NIPA1: variants seen among roughly 807,000 people sequenced by gnomAD.
The protein encoded by NIPA1 is magnesium transporter NIPA1.
Under a neutral mutation model 23.9 loss-of-function variants are expected in NIPA1, and 13 were observed. The ratio of observed to expected loss-of-function variants is 0.54; its 90% CI spans 0.35 to 0.87. NIPA1 has a LOEUF of 0.87. Among genes scored for constraint, NIPA1 ranks in the 40% least tolerant of loss-of-function variants. The pLI, the probability that NIPA1 is intolerant of heterozygous loss-of-function variation, is 0.01. For missense variants in NIPA1, 362 were observed against 429.7 expected (o/e 0.84, Z 1.39); for synonymous variants, 234 against 202.9 (o/e 1.15, Z -1.30).
chr15:22,790,214 C>A (rs184131046), intron 1 of NIPA1, among the ~76,000 whole-genome samples: 1 of 152,296 alleles, frequency 6.6e-6, no homozygotes, highest in East Asian at 1.9e-4. Flanking sequence ...CCCCAGTGAC[C>A]ACCCAGTGCC....
intron 1 of NIPA1, among the ~76,000 whole-genome samples, chr15:22,790,583 T>C (rs547441160): frequency 2.6e-5 from 4 of 151,962 alleles, no homozygotes; most frequent in Middle Eastern, 3.2e-3. Context: ...GCCTGGCTAA[T>C]TTTGTGTTTT....
At chr15:22,792,261 C>T (rs776099448) in intron 1 of NIPA1, among the ~76,000 whole-genome samples, 6 of 152,122 alleles carry the variant, frequency 3.9e-5, no homozygotes, top group East Asian at 1.9e-4. Flanking sequence ...AGTCAGGCTG[C>T]GCAGGAGAGC....
chr15:22,820,221 G>A (rs1895508772), intron 3 of NIPA1, 92 bp from the exon 4 acceptor site: 3 of 967,298 alleles, frequency 3.1e-6, no homozygotes, highest in Admixed American at 3.7e-5. Flanking sequence ...AGAAGAAAAA[G>A]AAAATGGTTT....
At chr15:22,801,618 G>A (rs1895083460) in intron 1 of NIPA1, among the ~76,000 whole-genome samples, 1 of 150,334 alleles carries the variant, frequency 6.7e-6, no homozygotes, top group South Asian at 2.1e-4. Context: ...CGGGGTTCAA[G>A]CAGTTCTCCT....
rs187149053 is a variant in NIPA1 at position 22,798,204 on chromosome 15, A to G, written c.178+11370A>G. Reference sequence around the variant, plus strand: ...CACAAAACATATGTTAACACCACCTATCAGATGTTCTAAGAAACATATATG... The same window carrying G: ...CACAAAACATATGTTAACACCACCTGTCAGATGTTCTAAGAAACATATATG... On this transcript the variant is annotated intron_variant, in intron 1 of 4. Coordinates refer to ENST00000337435, the MANE Select transcript of NIPA1 (RefSeq NM_144599.5). Among the ~76,000 whole-genome samples the G allele has an allele frequency of 3.6e-3, 530 of 147,536 alleles. 6 individuals carry two copies. Among genetic ancestry groups the G allele is most frequent in the African/African-American group, 0.013 (505 of 40,142 alleles).
intron 3 of NIPA1, among the ~76,000 whole-genome samples, chr15:22,815,224 C>G (rs1452761730): frequency 1.3e-5 from 2 of 152,148 alleles, no homozygotes; most frequent in East Asian, 1.9e-4. Context: ...GTACAGTGAT[C>G]AATTTCGATA....
chr15:22,806,435 A>C (rs1320784461), intron 1 of NIPA1, among the ~76,000 whole-genome samples: 4 of 152,162 alleles, frequency 2.6e-5, no homozygotes. Context: ...TGAGAGGAAA[A>C]CCAATGGAAC....
At chr15:22,788,720 T>C (rs1326283228) in intron 1 of NIPA1, among the ~76,000 whole-genome samples, 1 of 151,424 alleles carries the variant, frequency 6.6e-6, no homozygotes, top group Non-Finnish European at 1.5e-5. Flanking sequence ...CTCAAAGGAA[T>C]TGGTGAATAG....
At chr15:22,801,348 C>T (rs1159408532) in intron 1 of NIPA1, among the ~76,000 whole-genome samples, 6 of 151,868 alleles carry the variant, frequency 4.0e-5, no homozygotes, top group African/African-American at 1.2e-4. Flanking sequence ...GACATCTACC[C>T]GTCATGTATC....
At chr15:22,823,310 G>T (rs1895580712) in intron 4 of NIPA1, among the ~76,000 whole-genome samples, 1 of 151,470 alleles carries the variant, frequency 6.6e-6, no homozygotes, top group Non-Finnish European at 1.5e-5. Context: ...CACCCCCTAG[G>T]TTCAAGTGAT....
chr15:22,811,021 G>C, intron 2 of NIPA1: 1 of 571,896 alleles, frequency 1.7e-6, no homozygotes. Flanking sequence ...AGAAGGACAA[G>C]TTAGGAGCTG....
Position 22,826,858 on chromosome 15 carries a change from C to T in NIPA1, c.*2619C>T, listed in dbSNP as rs569676632. ...CATATCATCCATTGTTTTTCAAGCA[C>T]GTGACACCAGCCTCAAAGTAAATGA... On this transcript the variant is annotated 3_prime_UTR_variant, in exon 5 of 5. Coordinates refer to ENST00000337435, the MANE Select transcript of NIPA1 (RefSeq NM_144599.5). 7 of 152,194 alleles carry T rather than the reference C, an allele frequency of 4.6e-5. No individual in the cohort carries two copies. Among genetic ancestry groups the T allele is most frequent in the East Asian group, 1.9e-4 (1 of 5,174 alleles). The allele number at this position is 152,194 out of a possible 1,614,324, so 9.4% of individuals were successfully genotyped here.
At chr15:22,822,006 C>T (rs931776277) in intron 4 of NIPA1, among the ~76,000 whole-genome samples, 4 of 152,130 alleles carry the variant, frequency 2.6e-5, no homozygotes, top group African/African-American at 4.8e-5. Context: ...TGAAGCTGGC[C>T]GACCCCACAC....
At chr15:22,821,301 C>A (rs954934563) in intron 4 of NIPA1, among the ~76,000 whole-genome samples, 3 of 152,190 alleles carry the variant, frequency 2.0e-5, no homozygotes, top group African/African-American at 7.2e-5. Flanking sequence ...AAACTACTAT[C>A]TACGTGATTA....
chr15:22,799,179 A>C (rs1352740869), intron 1 of NIPA1, among the ~76,000 whole-genome samples: 1 of 152,204 alleles, frequency 6.6e-6, no homozygotes, highest in Admixed American at 6.5e-5. Flanking sequence ...AATTAACCTA[A>C]GTGTTCACCG....
At chr15:22,787,455 A>C (rs1305712740) in intron 1 of NIPA1, among the ~76,000 whole-genome samples, 1 of 152,210 alleles carries the variant, frequency 6.6e-6, no homozygotes, top group Admixed American at 6.5e-5. Flanking sequence ...GCACCAAATG[A>C]ATACAAGTGA....
intron 1 of NIPA1, among the ~76,000 whole-genome samples, chr15:22,805,607 A>ACCCAGG (rs1400153080): frequency 6.6e-6 from 1 of 152,050 alleles, no homozygotes; most frequent in East Asian, 1.9e-4. Flanking sequence ...AACTGTTTGA[A>ACCCAGG]CCCAGGAGTC....
rs1277721817 is a variant in NIPA1, at chr15:22,786,680, G to T, written c.24G>T (p.Ala8=). ...GAATGGGGACTGCAGCTGCGGCAGC[G>T]GCGGCGGCGGCGGCGGCGGCGGCCG... is the stretch of plus-strand genomic sequence containing the variant. The part of the protein sequence containing the change: MGTAAAA[A]AAAAAAAAGE... Residue 8 remains alanine (A), a synonymous_variant, in exon 1 of 5, where the codon GCG becomes GCT. Coordinates refer to ENST00000337435, the MANE Select transcript of NIPA1 (RefSeq NM_144599.5). The T allele has an allele frequency of 1.8e-6, 1 of 541,930 alleles. No homozygotes were observed. Among genetic ancestry groups the T allele is most frequent in the Non-Finnish European group, 2.2e-6 (1 of 458,140 alleles). 33.6% of individuals were successfully genotyped at this position (541,930 alleles called of 1,614,324 possible).
At chr15:22,816,201 T>G (rs1357481145) in intron 3 of NIPA1, among the ~76,000 whole-genome samples, 1 of 139,018 alleles carries the variant, frequency 7.2e-6, no homozygotes, top group Non-Finnish European at 1.5e-5. Context: ...TTTTTTTTTT[T>G]TTTTTTGAGA....
Sources: allele counts gnomAD v4.1 joint callset (sites outside exome capture counted in the v4.1 genomes callset), GRCh38; gene constraint gnomAD v4.1.1; transcripts MANE v1.5; gene names NCBI Gene and HGNC (gene_info 2026-07-23, HGNC 2026-07-21).